The following ROBO2 variants were observed in gnomAD, a reference collection of about 807,000 sequenced individuals.
The protein encoded by ROBO2 is roundabout guidance receptor 2.
ROBO2 carries 53 observed loss-of-function variants against 160.8 expected under a neutral mutation model. That is an observed-to-expected ratio of 0.33 (90% CI 0.26 to 0.41). The LOEUF (loss-of-function observed/expected upper bound fraction) is 0.41. ROBO2 is among the 10% of genes least tolerant of loss of function. The pLI, the probability that ROBO2 is intolerant of heterozygous loss-of-function variation, is 1.00. For missense variants in ROBO2, 1,577 were observed against 1,722.4 expected, an observed-to-expected ratio of 0.92 and a Z score of 1.49; for synonymous variants, 664 against 611.7, an observed-to-expected ratio of 1.09 and a Z score of -1.26.
rs544329714 is a variant in ROBO2 at position 77,219,140 on chromosome 3, T to G, written c.388+120800T>G. On this transcript the variant is annotated intron_variant, in intron 2 of 25. Transcript: ENST00000461745. Reference sequence around the variant, plus strand: ...CCTACCAGCACGCCCCGCTAATTTTTGTATTTTTAGTAGAGATGGGGGTTT... The same window carrying G: ...CCTACCAGCACGCCCCGCTAATTTTGGTATTTTTAGTAGAGATGGGGGTTT... Among the ~76,000 whole-genome samples the G allele has an allele frequency of 2.6e-5, 4 of 151,872 alleles. No homozygotes were observed. In the South Asian group the frequency reaches 8.3e-4, roughly 32 times the overall value.
At chr3:76,439,179 C>T (rs2076812855) in intron 2 of ROBO2, among the ~76,000 whole-genome samples, 1 of 152,180 alleles carries the variant, frequency 6.6e-6, no homozygotes, top group Non-Finnish European at 1.5e-5. Context: ...AACTGCATGA[C>T]AAGTACTATG....
intron 2 of ROBO2, among the ~76,000 whole-genome samples, chr3:76,603,582 G>GT (rs1036285470): frequency 2.0e-4 from 30 of 151,090 alleles, no homozygotes; most frequent in Non-Finnish European, 3.5e-4. Context: ...ATGGCTTGAA[G>GT]TTTTTTTTCC....
At chr3:76,988,264 G>T (rs549960674) in intron 2 of ROBO2, among the ~76,000 whole-genome samples, 2 of 152,152 alleles carry the variant, frequency 1.3e-5, no homozygotes, top group Non-Finnish European at 2.9e-5. Flanking sequence ...CCCAGCTGTG[G>T]TTAACCTGAT....
intron 2 of ROBO2, among the ~76,000 whole-genome samples, chr3:77,259,673 G>A (rs1469472845): frequency 6.6e-6 from 1 of 152,194 alleles, no homozygotes; most frequent in Non-Finnish European, 1.5e-5. Flanking sequence ...GTTTACCTTA[G>A]CATTTCAGCA....
chr3:76,603,646 T>C (rs1330341605), intron 2 of ROBO2, among the ~76,000 whole-genome samples: 1 of 151,914 alleles, frequency 6.6e-6, no homozygotes, highest in East Asian at 1.9e-4. Flanking sequence ...GTGCTGCATA[T>C]ACATGCTCTT....
intron 2 of ROBO2, among the ~76,000 whole-genome samples, chr3:77,032,760 G>A (rs769357085): frequency 3.9e-5 from 6 of 152,082 alleles, no homozygotes; most frequent in Non-Finnish European, 7.4e-5. Flanking sequence ...TTATCCGATG[G>A]CTCAGTGTTT....
intron 4 of ROBO2, among the ~76,000 whole-genome samples, chr3:77,482,244 T>C (rs556863646): frequency 3.0e-3 from 462 of 152,282 alleles, no homozygotes; most frequent in Non-Finnish European, 5.5e-3. Flanking sequence ...AATCCTCTAC[T>C]TCTGTGCATG....
intron 2 of ROBO2, among the ~76,000 whole-genome samples, chr3:77,466,979 A>C (rs576023866): frequency 2.0e-5 from 3 of 152,206 alleles, no homozygotes; most frequent in Non-Finnish European, 4.4e-5. Flanking sequence ...CTAGAATGAC[A>C]AGAGATGCTG....
chr3:76,415,061 C>T (rs1344335135), intron 2 of ROBO2, among the ~76,000 whole-genome samples: 1 of 152,170 alleles, frequency 6.6e-6, no homozygotes, highest in East Asian at 1.9e-4. Flanking sequence ...ATTTTTCTCT[C>T]CCTAAGCTCT....
chr3:76,388,414 G>A (rs968089349), intron 2 of ROBO2, among the ~76,000 whole-genome samples: 2 of 152,052 alleles, frequency 1.3e-5, no homozygotes, highest in African/African-American at 4.8e-5. Flanking sequence ...TGGGACTACA[G>A]GCACCCGCCG....
intron 2 of ROBO2, among the ~76,000 whole-genome samples, chr3:76,892,498 T>C (rs1390718597): frequency 6.6e-6 from 1 of 152,146 alleles, no homozygotes; most frequent in East Asian, 1.9e-4. Flanking sequence ...TTCCAACTCT[T>C]TTGGATTTCC....
chr3:76,836,414 T>C (rs533590885), intron 2 of ROBO2, among the ~76,000 whole-genome samples: 1 of 151,482 alleles, frequency 6.6e-6, no homozygotes, highest in South Asian at 2.1e-4. Flanking sequence ...TCATTACTTT[T>C]ACAGTATGTG....
rs530784856 is a variant in ROBO2, at chr3:77,537,898, A to G, written c.935-8440A>G. The stretch of plus-strand genomic sequence containing the variant: ...GGGTAAAGACCCTGCCCCGTGATTC[A>G]ATTACCTCCCACCGGGTCCCTCCCA... On this transcript the variant is annotated intron_variant, in intron 6 of 25. Transcript: ENST00000461745. Among the ~76,000 whole-genome samples the G allele has an allele frequency of 4.6e-5, 7 of 152,194 alleles. No homozygotes were observed. The East Asian group carries it at 1.4e-3, about 30-fold the overall frequency.
At chr3:76,744,638 A>G (rs550184232) in intron 2 of ROBO2, among the ~76,000 whole-genome samples, 1 of 152,248 alleles carries the variant, frequency 6.6e-6, no homozygotes, top group South Asian at 2.1e-4. Flanking sequence ...CTGGGATTAC[A>G]GAGTTCAGCC....
At chr3:77,197,851 C>T (rs1215044471) in intron 2 of ROBO2, among the ~76,000 whole-genome samples, 1 of 152,124 alleles carries the variant, frequency 6.6e-6, no homozygotes, top group Non-Finnish European at 1.5e-5. Flanking sequence ...ATGTGGAGAA[C>T]CTTCCCCTTT....
intron 2 of ROBO2, among the ~76,000 whole-genome samples, chr3:76,825,047 T>C (rs897312349): frequency 6.6e-6 from 1 of 152,162 alleles, no homozygotes; most frequent in Non-Finnish European, 1.5e-5. Flanking sequence ...GTAAGGTGAG[T>C]ATGACTCAGT....
intron 1 of ROBO2, among the ~76,000 whole-genome samples, chr3:77,094,265 A>G (rs371999095): frequency 6.6e-6 from 1 of 152,168 alleles, no homozygotes; most frequent in South Asian, 2.1e-4. Flanking sequence ...GTCCATTGCA[A>G]CTAGCTCCTT....
intron 2 of ROBO2, among the ~76,000 whole-genome samples, chr3:76,353,185 G>A (rs2074976731): frequency 6.6e-6 from 1 of 151,960 alleles, no homozygotes; most frequent in Non-Finnish European, 1.5e-5. Flanking sequence ...AGATGACAGA[G>A]GCAGGTCTGT....
At chr3:77,114,809 C>T (rs1240573641) in intron 2 of ROBO2, among the ~76,000 whole-genome samples, 2 of 152,076 alleles carry the variant, frequency 1.3e-5, no homozygotes, top group African/African-American at 4.8e-5. Context: ...TTGACTTACA[C>T]CTTGTATATA....
Sources: gnomAD v4.1 joint callset for allele counts (sites outside exome capture counted in the v4.1 genomes callset) on GRCh38, gnomAD v4.1.1 for gene constraint, MANE v1.5 for transcripts, NCBI Gene and HGNC (gene_info 2026-07-23, HGNC 2026-07-21) for gene names.